Variants in CELSR3 observed in about 807,000 individuals in gnomAD.
CELSR3 encodes cadherin EGF LAG seven-pass G-type receptor 3, also known as EGF-like protein 1.
In CELSR3, 73 loss-of-function variants were observed where a neutral mutation model predicts 270.0. That is an observed-to-expected ratio of 0.27 (90% confidence interval 0.22 to 0.33). CELSR3 has a LOEUF of 0.33. Among genes scored for constraint, CELSR3 ranks in the 10% least tolerant of loss-of-function variants. The pLI is 1.00. For synonymous variants in CELSR3, 1,780 were observed against 1,905.4 expected (o/e 0.93, Z 1.71); for missense variants, 3,614 against 4,533.8 (o/e 0.80, Z 5.83).
In CELSR3 at chr3:48,640,468, G is replaced by A; in HGVS notation, c.9117C>T (p.His3039=). ...LSWCRAATLG[H]RAVPAASYGR... is the part of the protein sequence containing the mutation. ...CGTAAGAGGCAGCTGGCACAGCACG[G>A]TGGCCCAAGGTGGCTGCACGGCACC... The change falls in exon 34 of 35, where the codon CAC becomes CAT. Residue 3039 remains histidine, a synonymous_variant. Transcript: ENST00000164024. The surrounding 1 kb of genome is among the most constrained non-coding windows in gnomAD (Gnocchi z 7.5). 6.8e-6 allele frequency: 11 copies of A among 1,612,310 alleles called. No homozygotes were observed. The highest frequency in any genetic ancestry group is 9.3e-6 in the Non-Finnish European group (11 of 1,179,840).
intron 20 of CELSR3, 85 bp downstream of exon 20, chr3:48,647,756 G>C: frequency 7.0e-7 from 1 of 1,421,430 alleles, no homozygotes; most frequent in Non-Finnish European, 9.7e-7. Flanking sequence ...CTAGAAAGGG[G>C]AAAATTGGCA....
Position 48,645,310 on chromosome 3 carries a change from C to G in CELSR3, c.7798-101G>C, listed in dbSNP as rs940254000. 2.6e-6 allele frequency: 4 copies of G among 1,536,444 alleles called. No individual in the cohort carries two copies. The highest frequency in any genetic ancestry group is 1.4e-5 in the African/African-American group (1 of 73,246). ...ACCTCTCACCCCTAAACCACAATATCTTACCCCAGCATCCTGCTGAAAACC... is the reference window on the plus strand; with the variant it reads ...ACCTCTCACCCCTAAACCACAATATGTTACCCCAGCATCCTGCTGAAAACC... On this transcript the variant is annotated intron_variant, in intron 24 of 34. Transcript: ENST00000164024. This position sits in a 1 kb window ranked among gnomAD's most constrained non-coding sequence, Gnocchi z 5.4.
Position 48,661,811 on chromosome 3 carries a change from C to G in CELSR3, c.824G>C (p.Arg275Pro). ...GCGGAAGAGACCCCGGGAGCGCATG[C>G]GCTTGGGCGCCGGCTCGGGAGCTGT... Reference protein sequence around the residue: ...SRTAPEPAPKRMRSRGLFRCR... With the variant: ...SRTAPEPAPKPMRSRGLFRCR... Residue 275 changes from arginine (R) to proline (P), a missense_variant, in exon 1 of 35, where the codon CGC becomes CCC. This residue lies in a region of CELSR3 where 470 missense variants were observed against 469.7 expected (regional missense o/e 1.00). Transcript: ENST00000164024. 1.2e-6 allele frequency: 2 copies of G among 1,608,968 alleles called. No homozygotes were observed. The highest frequency in any genetic ancestry group is 1.7e-6 in the Non-Finnish European group (2 of 1,179,316).
rs2047086548 is a variant in CELSR3, at chr3:48,646,579, A to C, written c.7295+184T>G. On this transcript the variant is annotated intron_variant, in intron 21 of 34. Coordinates refer to ENST00000164024, the MANE Select transcript of CELSR3 (RefSeq NM_001407.3). This position sits in a 1 kb window ranked among gnomAD's most constrained non-coding sequence, Gnocchi z 4.8. ...TCCTGTGTGTGGCTCTGTGTCTGTC[A>C]GCCTGTGGCTCTGTCACTCTGCACA... Among the ~76,000 whole-genome samples the C allele has an allele frequency of 1.3e-5, 2 of 152,326 alleles. No homozygotes were observed.
chr3:48,641,894 G>T lies in CELSR3; in HGVS notation c.8781C>A (p.Leu2927=). 1 of 1,573,412 alleles carries T rather than the reference G, an allele frequency of 6.4e-7. No homozygotes were observed. The highest frequency in any genetic ancestry group is 1.9e-5 in the Admixed American group (1 of 53,638). The change falls in exon 32 of 35, where the codon CTC becomes CTA. Residue 2927 remains leucine, a synonymous_variant. Transcript: ENST00000164024. The surrounding 1 kb of genome is among the most constrained non-coding windows in gnomAD (Gnocchi z 4.8). The part of the protein sequence containing the change: ...GRTRGRFQRP[L]CRAAQSERLL... ...GCCTCTCACTCTGGGCTGCTCGGCA[G>T]AGTGGCCGTTGGAAGCGCCCCCGCG...
In CELSR3 at chr3:48,637,842, A is replaced by C. The variant is rs1432633788; in HGVS notation, c.*363T>G. 3.6e-6 allele frequency: 1 copy of C among 274,752 alleles called. No individual in the cohort carries two copies. The highest frequency in any genetic ancestry group is 2.1e-5 in the African/African-American group (1 of 46,906). The allele number at this position is 274,752 out of a possible 1,614,324, so 17.0% of individuals were successfully genotyped here. ...CCCCAGGAAGGAGAGAGAGATGAGC[A>C]TAGGGTTTGCTCAGGACCCAAATGG... On this transcript the variant is annotated 3_prime_UTR_variant, in exon 35 of 35. Transcript: ENST00000164024.
chr3:48,660,453 C>T lies in CELSR3; in HGVS notation c.2182G>A (p.Ala728Thr). ...SVEHYFFGVE[A>T]RDHGSPPLSA... Reference sequence around the variant, plus strand: ...AGTGGGGGTGAGCCATGGTCTCGAGCCTCCACACCAAAGAAGTAATGCTCC... The same window carrying T: ...AGTGGGGGTGAGCCATGGTCTCGAGTCTCCACACCAAAGAAGTAATGCTCC... Residue 728 changes from alanine (A) to threonine (T), a missense_variant, in exon 1 of 35, where the codon GCT (alanine) becomes ACT (threonine). This residue lies in a region of CELSR3 where 215 missense variants were observed against 241.2 expected (regional missense o/e 0.89). Transcript: ENST00000164024. This position sits in a 1 kb window ranked among gnomAD's most constrained non-coding sequence, Gnocchi z 5.5. The T allele has an allele frequency of 6.2e-7, 1 of 1,614,104 alleles. No individual in the cohort carries two copies. Among genetic ancestry groups the T allele is most frequent in the South Asian group, 1.1e-5 (1 of 91,072 alleles).
Position 48,657,838 on chromosome 3 carries a change from TC to T in CELSR3, c.3749-491del, listed in dbSNP as rs2077034778. ...GAAAAGAAGGGTTCCAGATCAGGGA[TC>T]ACCTATCTCCTATTTTTGGTCAGCA... On this transcript the variant is annotated intron_variant, in intron 1 of 34. Transcript: ENST00000164024. The surrounding 1 kb of genome is among the most constrained non-coding windows in gnomAD (Gnocchi z 5.4). Among the ~76,000 whole-genome samples, 1 of 152,084 alleles carries T rather than the reference TC, an allele frequency of 6.6e-6. No homozygotes were observed. The highest frequency in any genetic ancestry group is 2.1e-4 in the South Asian group (1 of 4,822).
In CELSR3 at chr3:48,659,556, G is replaced by C; in HGVS notation, c.3079C>G (p.Arg1027Gly). The C allele has an allele frequency of 6.2e-7, 1 of 1,614,126 alleles. No individual in the cohort carries two copies. Among genetic ancestry groups the C allele is most frequent in the Non-Finnish European group, 8.5e-7 (1 of 1,180,028 alleles). The part of the protein sequence containing the change: ...GIVRTVRRLD[R>G]EAVSVYELTA... ...AACTCATACACTGATACTGCCTCCC[G>C]GTCTAGCCGCCTTACTGTACGGACA... The change falls in exon 1 of 35, where the codon CGG becomes GGG. Residue 1027 changes from arginine to glycine, a missense_variant. Arg to Gly is a moderately radical substitution (Grantham distance 125). Around this residue, in one of 7 missense-constraint regions of CELSR3, gnomAD observed 1,331 missense variants for 1,933.7 expected, o/e 0.69. Transcript: ENST00000164024. The surrounding 1 kb of genome is among the most constrained non-coding windows in gnomAD (Gnocchi z 8.1).
chr3:48,652,318 G>T lies in CELSR3; in HGVS notation c.5751+119C>A. On this transcript the variant is annotated intron_variant, in intron 11 of 34. Transcript: ENST00000164024. The surrounding 1 kb of genome is among the most constrained non-coding windows in gnomAD (Gnocchi z 4.3). ...AGGCTTGACCTAGCTCTCAACTCTG[G>T]GTCATTCACCCCCTCGCACCAACCC... 1.1e-6 allele frequency: 1 copy of T among 874,148 alleles called. No homozygotes were observed. Among genetic ancestry groups the T allele is most frequent in the Non-Finnish European group, 1.9e-6 (1 of 525,616 alleles). The allele number at this position is 874,148 out of a possible 1,614,324, so 54.1% of individuals were successfully genotyped here.
Position 48,654,933 on chromosome 3 carries a change from T to C in CELSR3, c.4988+111A>G. 1.8e-6 allele frequency: 2 copies of C among 1,127,952 alleles called. No homozygotes were observed. The highest frequency in any genetic ancestry group is 3.8e-5 in the Admixed American group (2 of 53,104). The allele number at this position is 1,127,952 out of a possible 1,614,324, so 69.9% of individuals were successfully genotyped here. A position where few individuals can be genotyped will look rare whatever the true frequency, so the allele number is the denominator to read the frequency against. On this transcript the variant is annotated intron_variant, in intron 6 of 34. Transcript: ENST00000164024. This position sits in a 1 kb window ranked among gnomAD's most constrained non-coding sequence, Gnocchi z 5.4. ...GAGAGGAGAGGGGAATCTTGGTGGT[T>C]TGGGGGAAAGATGGGAGAGTTTGGC...
At position 48,652,075 on chromosome 3, in the gene CELSR3, G is replaced by C; in HGVS notation, c.5752-27C>G. The C allele has an allele frequency of 6.6e-7, 1 of 1,510,212 alleles. No individual in the cohort carries two copies. Among genetic ancestry groups the C allele is most frequent in the Non-Finnish European group, 8.8e-7 (1 of 1,133,932 alleles). 93.6% of individuals were successfully genotyped at this position (1,510,212 alleles called of 1,614,324 possible). ...TGTGGACACACAGCCAGCAAGGGGT[G>C]AGACCATGTTAAGGCACCTCAGCCT... is the stretch of plus-strand genomic sequence containing the variant. On this transcript the variant is annotated intron_variant, in intron 11 of 34. Transcript: ENST00000164024. This position sits in a 1 kb window ranked among gnomAD's most constrained non-coding sequence, Gnocchi z 4.3.
chr3:48,647,958 G>C lies in CELSR3; in HGVS notation c.7012C>G (p.Arg2338Gly), dbSNP rs199785833. The change falls in exon 20 of 35, where the codon CGG (arginine) becomes GGG (glycine). Residue 2338 changes from arginine (R) to glycine (G), a missense_variant. This residue lies in a region of CELSR3 where 1,240 missense variants were observed against 1,351.7 expected (regional missense o/e 0.92). Coordinates refer to ENST00000164024, the MANE Select transcript of CELSR3 (RefSeq NM_001407.3). ...TAGCGAGGGTAGCGACGGGCCCCCC[G>C]GGGAGAACTGGGGTGCTCCATGCGG... Reference protein sequence around the residue: ...IDRMEHPSSPRGARRYPRYHS... With the variant: ...IDRMEHPSSPGGARRYPRYHS... 7 of 1,611,992 alleles carry C rather than the reference G, an allele frequency of 4.3e-6. No homozygotes were observed. The highest frequency in any genetic ancestry group is 5.9e-6 in the Non-Finnish European group (7 of 1,179,652).
In CELSR3 at chr3:48,651,943, C is replaced by T; in HGVS notation, c.5857G>A (p.Gly1953Arg). 1 of 1,610,648 alleles carries T rather than the reference C, an allele frequency of 6.2e-7. No individual in the cohort carries two copies. The highest frequency in any genetic ancestry group is 8.5e-7 in the Non-Finnish European group (1 of 1,179,056). ...GCVVTNACAS[G>R]PCPPHADCRD... ...CAGTCTGCGTGAGGTGGGCAGGGCC[C>T]AGAGGCACAGGCGTTGGTCACAACA... Residue 1953 changes from glycine (G) to arginine (R), a missense_variant, in exon 12 of 35, where the codon GGG (glycine) becomes AGG (arginine). Physicochemically the swap from Gly to Arg is moderately radical, Grantham distance 125 (BLOSUM62 -2). This residue lies in a region of CELSR3 where 1,331 missense variants were observed against 1,933.7 expected (regional missense o/e 0.69). Coordinates refer to ENST00000164024, the MANE Select transcript of CELSR3 (RefSeq NM_001407.3). This position sits in a 1 kb window ranked among gnomAD's most constrained non-coding sequence, Gnocchi z 7.4.
chr3:48,660,629 G>A lies in CELSR3; in HGVS notation c.2006C>T (p.Ser669Leu). 6.2e-7 allele frequency: 1 copy of A among 1,614,206 alleles called. No homozygotes were observed. The highest frequency in any genetic ancestry group is 1.3e-5 in the African/African-American group (1 of 75,060). ...ATCGACTGCCTGAATGTGGATGACT[G>A]AGTGACCCAAGGGAGCATTTTCCAA... is the stretch of plus-strand genomic sequence containing the variant. ...SVLENAPLGH[S>L]VIHIQAVDAD... is the part of the protein sequence containing the mutation. The change falls in exon 1 of 35, where the codon TCA becomes TTA. Residue 669 changes from serine to leucine, a missense_variant. By Grantham distance (145) the Ser-to-Leu change is moderately radical (BLOSUM62 -2). This residue lies in a region of CELSR3 where 354 missense variants were observed against 500.9 expected (regional missense o/e 0.71). Coordinates refer to ENST00000164024, the MANE Select transcript of CELSR3 (RefSeq NM_001407.3). This position sits in a 1 kb window ranked among gnomAD's most constrained non-coding sequence, Gnocchi z 5.5.
At position 48,654,350 on chromosome 3, in the gene CELSR3, C is replaced by A; in HGVS notation, c.5091G>T (p.Leu1697=). 3.7e-6 allele frequency: 6 copies of A among 1,614,060 alleles called. No individual in the cohort carries two copies. In the Admixed American group the frequency reaches 8.3e-5, roughly 22 times the overall value. ...TGTCCACTCGGCGGCCATCAATGTG[C>A]AGGTCCCGCATACAGCCGATGAAGT... ...HKDFIGCMRD[L]HIDGRRVDMA... is the part of the protein sequence containing the mutation. The change falls in exon 7 of 35, where the codon CTG becomes CTT. Residue 1697 remains leucine, a synonymous_variant. Transcript: ENST00000164024. The surrounding 1 kb of genome is among the most constrained non-coding windows in gnomAD (Gnocchi z 5.4).
rs2077031965 is a variant in CELSR3, at chr3:48,657,313, G to A, written c.3784C>T (p.Arg1262Cys). 1 of 1,608,506 alleles carries A rather than the reference G, an allele frequency of 6.2e-7. No homozygotes were observed. Among genetic ancestry groups the A allele is most frequent in the Non-Finnish European group, 8.5e-7 (1 of 1,177,766 alleles). ...AACTCCTCCGTGATGATGACCACGC[G>A]CAGCACACACTGCGCCGTCACGCTG... ...LHSVTAQCVLRVVIITEELLA... is the reference protein window; with the variant it reads ...LHSVTAQCVLCVVIITEELLA... The change falls in exon 2 of 35, where the codon CGC becomes TGC. Residue 1262 changes from arginine to cysteine, a missense_variant. By Grantham distance (180) the Arg-to-Cys change is radical. Coordinates refer to ENST00000164024, the MANE Select transcript of CELSR3 (RefSeq NM_001407.3). The surrounding 1 kb of genome is among the most constrained non-coding windows in gnomAD (Gnocchi z 5.4).
At position 48,660,403 on chromosome 3, in the gene CELSR3, C is replaced by T. The variant is rs1351948294; in HGVS notation, c.2232G>A (p.Val744=). ...PPLSASASVT[V]TVLDVNDNRP... is the part of the protein sequence containing the mutation. ...GATTGTCATTAACGTCCAGCACAGT[C>T]ACGGTGACACTGGCTGAGGCAGAGA... Residue 744 remains valine (V), a synonymous_variant, in exon 1 of 35, where the codon GTG becomes GTA. Transcript: ENST00000164024. The surrounding 1 kb of genome is among the most constrained non-coding windows in gnomAD (Gnocchi z 5.5). 6.2e-7 allele frequency: 1 copy of T among 1,614,128 alleles called. No individual in the cohort carries two copies.
rs145479624 is a variant in CELSR3, at chr3:48,661,496, G to A, written c.1139C>T (p.Pro380Leu). 1.9e-5 allele frequency: 31 copies of A among 1,603,026 alleles called. No homozygotes were observed. The highest frequency in any genetic ancestry group is 2.6e-5 in the Non-Finnish European group (31 of 1,174,802). The change falls in exon 1 of 35, where the codon CCG (proline) becomes CTG (leucine). Residue 380 changes from proline (P) to leucine (L), a missense_variant. Physicochemically the swap from Pro to Leu is moderately conservative, Grantham distance 98 (BLOSUM62 -3). Coordinates refer to ENST00000164024, the MANE Select transcript of CELSR3 (RefSeq NM_001407.3). ...SRSLELFSID[P>L]QSGLIRTAAA... ...CGCCGTACGGATAAGGCCGCTCTGC[G>A]GGTCGATGCTGAACAGCTCCAGCGA...
Sources: gnomAD v4.1 joint callset for allele counts (sites outside exome capture counted in the v4.1 genomes callset) on GRCh38, gnomAD v4.1.1 for gene constraint, gnomAD v4.1.1 regional missense constraint, Gnocchi (gnomAD v3.1) non-coding constraint, MANE v1.5 for transcripts, NCBI Gene and HGNC (gene_info 2026-07-23, HGNC 2026-07-21) for gene names.